Variants in PANK4 observed in about 807,000 individuals in gnomAD.
PANK4 encodes pantothenate kinase 4 (inactive).
Under a neutral mutation model 87.9 loss-of-function variants are expected in PANK4, and 40 were observed. That is an observed-to-expected ratio of 0.46 (90% confidence interval 0.35 to 0.59). The LOEUF is 0.59. Ranked by LOEUF, PANK4 falls within the 20% of genes least tolerant of loss-of-function variation. The pLI, the probability that PANK4 is intolerant of heterozygous loss-of-function variation, is 0.00. For synonymous variants in PANK4, 524 were observed against 467.4 expected (o/e 1.12, Z -1.56); for missense variants, 926 against 1,072.3 (o/e 0.86, Z 1.90).
chr1:2,518,139 G>C (rs367915873), intron 9 of PANK4, 25 bp downstream of exon 9: 7 of 1,487,386 alleles, frequency 4.7e-6, no homozygotes, highest in Non-Finnish European at 6.4e-6. Context: ...CCTGGGGCCC[G>C]GGGCGGCCAG....
chr1:2,520,384 C>A lies in PANK4; in HGVS notation c.637G>T (p.Gly213Cys), dbSNP rs750721468. 1 of 1,612,922 alleles carries A rather than the reference C, an allele frequency of 6.2e-7. No homozygotes were observed. ...VETEDRFEWVGGSSIGGGTFW... is the reference protein window; with the variant it reads ...VETEDRFEWVCGSSIGGGTFW... ...GTGCCGCCTCCAATGGAGCTGCCGC[C>A]GACCCACTCGAACCTGTCCTCCGTC... is the stretch of plus-strand genomic sequence containing the variant. The change falls in exon 5 of 19, where the codon GGC becomes TGC. Residue 213 changes from glycine (G) to cysteine (C), a missense_variant. Transcript: ENST00000378466. This position sits in a 1 kb window ranked among gnomAD's most constrained non-coding sequence, Gnocchi z 6.2.
intron 13 of PANK4, chr1:2,512,355 G>A (rs1289233077): frequency 1.9e-5 from 3 of 154,240 alleles, no homozygotes; most frequent in African/African-American, 7.2e-5. Flanking sequence ...GGGACCACGA[G>A]AGGTGGTGCG....
chr1:2,519,420 AGGGGAGGGGGAGAGAGAG>A lies in PANK4; in HGVS notation c.854-114_854-97del. ...GGAGGGGGAGAGAGAGCTGAGTGGG[AGGGGAGGGGGAGAGAGAG>A]CTGAGTGGGAGGGGAGGGGGAGAGA... On this transcript the variant is annotated intron_variant, in intron 6 of 18. Transcript: ENST00000378466. This position sits in a 1 kb window ranked among gnomAD's most constrained non-coding sequence, Gnocchi z 8.3. 1 of 52,066 alleles carries A rather than the reference AGGGGAGGGGGAGAGAGAG, an allele frequency of 1.9e-5. No individual in the cohort carries two copies. The highest frequency in any genetic ancestry group is 3.2e-5 in the Non-Finnish European group (1 of 30,904). 3.2% of individuals were successfully genotyped at this position (52,066 alleles called of 1,614,324 possible).
rs1643646368 is a variant in PANK4 at position 2,510,698 on chromosome 1, G to A, written c.1918C>T (p.Leu640=). The change falls in exon 16 of 19, where the codon CTA becomes TTA. Residue 640 remains leucine, a synonymous_variant. Coordinates refer to ENST00000378466, the MANE Select transcript of PANK4 (RefSeq NM_018216.4). This position sits in a 1 kb window ranked among gnomAD's most constrained non-coding sequence, Gnocchi z 4.9. The stretch of plus-strand genomic sequence containing the variant: ...CTCACCTCTGTCCCTCTAAGGAGTA[G>A]CTCCCTGACAAAGGGGAAGACTCCC... The part of the protein sequence containing the change: ...ILGVFPFVRE[L]LLRGTEVILA... 6.3e-7 allele frequency: 1 copy of A among 1,599,730 alleles called. No homozygotes were observed. Among genetic ancestry groups the A allele is most frequent in the Non-Finnish European group, 8.6e-7 (1 of 1,167,832 alleles).
Position 2,515,536 on chromosome 1 carries a change from G to T in PANK4, c.1374+26C>A. 1 of 1,611,022 alleles carries T rather than the reference G, an allele frequency of 6.2e-7. No individual in the cohort carries two copies. Among genetic ancestry groups the T allele is most frequent in the South Asian group, 1.1e-5 (1 of 91,010 alleles). ...TTAACCCGGCTGCGGCCTTGGAATC[G>T]TCTAGACGGCACCCGGAGCCCTCAC... On this transcript the variant is annotated intron_variant, in intron 10 of 18. Coordinates refer to ENST00000378466, the MANE Select transcript of PANK4 (RefSeq NM_018216.4). The surrounding 1 kb of genome is among the most constrained non-coding windows in gnomAD (Gnocchi z 5.0).
rs917793004 is a variant in PANK4 at position 2,520,550 on chromosome 1, A to C, written c.607-136T>G. On this transcript the variant is annotated intron_variant, in intron 4 of 18. Coordinates refer to ENST00000378466, the MANE Select transcript of PANK4 (RefSeq NM_018216.4). The surrounding 1 kb of genome is among the most constrained non-coding windows in gnomAD (Gnocchi z 6.2). ...GCCAGTGGGAGGACTCTCATGGCCA[A>C]GCCTGGGGGCGCTGATGCCCCTCCC... The C allele has an allele frequency of 2.1e-5, 20 of 966,472 alleles. No homozygotes were observed. The highest frequency in any genetic ancestry group is 2.9e-5 in the Non-Finnish European group (19 of 655,114). 59.9% of individuals were successfully genotyped at this position (966,472 alleles called of 1,614,324 possible).
Position 2,519,304 on chromosome 1 carries a change from C to T in PANK4, c.874G>A (p.Ala292Thr). The change falls in exon 7 of 19, where the codon GCG (alanine) becomes ACG (threonine). Residue 292 changes from alanine (A) to threonine (T), a missense_variant. Ala to Thr is a moderately conservative substitution (Grantham distance 58). Coordinates refer to ENST00000378466, the MANE Select transcript of PANK4 (RefSeq NM_018216.4). The surrounding 1 kb of genome is among the most constrained non-coding windows in gnomAD (Gnocchi z 8.3). ...CTGATCATGTGCAGCAGGCTCTTCG[C>T]CATGTCTTCTTTGGAGAACTCTGAG... ...ADQEFSKEDM[A>T]KSLLHMISND... The T allele has an allele frequency of 6.2e-7, 1 of 1,609,190 alleles. No individual in the cohort carries two copies. The highest frequency in any genetic ancestry group is 8.5e-7 in the Non-Finnish European group (1 of 1,177,442).
rs1012668064 is a variant in PANK4, at chr1:2,522,050, C to T, written c.125-250G>A. The T allele has an allele frequency of 3.7e-5, 20 of 539,120 alleles. No homozygotes were observed. In the Middle Eastern group the frequency reaches 8.8e-4, roughly 24 times the overall value. The allele number at this position is 539,120 out of a possible 1,614,324, so 33.4% of individuals were successfully genotyped here. A position where few individuals can be genotyped will look rare whatever the true frequency, so the allele number is the denominator to read the frequency against. ...TGGCCAAACTGAGCTCAAGAGGTCCCGCTTCCCCTTGGCACCAAGTCCTGC... is the reference window on the plus strand; with the variant it reads ...TGGCCAAACTGAGCTCAAGAGGTCCTGCTTCCCCTTGGCACCAAGTCCTGC... On this transcript the variant is annotated intron_variant, in intron 1 of 18. Transcript: ENST00000378466.
intron 14 of PANK4, 76 bp from the exon 15 acceptor site, chr1:2,511,463 C>T (rs558896518): frequency 1.7e-5 from 21 of 1,241,542 alleles, no homozygotes; most frequent in South Asian, 4.8e-5. Flanking sequence ...TTCAGGTGTT[C>T]GTCTCTCCAG....
intron 12 of PANK4, among the ~76,000 whole-genome samples, chr1:2,513,382 G>A (rs1201667521): frequency 7.2e-5 from 11 of 152,254 alleles, no homozygotes; most frequent in Admixed American, 7.2e-4. Flanking sequence ...CGGCGTGTGA[G>A]GGGAGGGAGG....
In PANK4 at chr1:2,520,902, C is replaced by T. The variant is rs768096130; in HGVS notation, c.427G>A (p.Asp143Asn). ...LIEEKLRLKV[D>N]KEDVMTCLIK... ...AGGCACGTCATCACGTCCTCCTTGTCGACTCTGAAAAGGAAGCGCCAACCC... is the reference window on the plus strand; with the variant it reads ...AGGCACGTCATCACGTCCTCCTTGTTGACTCTGAAAAGGAAGCGCCAACCC... Residue 143 changes from aspartate (D) to asparagine (N), a missense_variant, in exon 4 of 19, where the codon GAC (aspartate) becomes AAC (asparagine). By Grantham distance (23) the Asp-to-Asn change is conservative. Transcript: ENST00000378466. This position sits in a 1 kb window ranked among gnomAD's most constrained non-coding sequence, Gnocchi z 6.2. 3.2e-6 allele frequency: 5 copies of T among 1,546,946 alleles called. No individual in the cohort carries two copies. The highest frequency in any genetic ancestry group is 1.8e-4 in the Middle Eastern group (1 of 5,596).
At chr1:2,513,319 C>T (rs1055940841) in intron 12 of PANK4, among the ~76,000 whole-genome samples, 15 of 152,264 alleles carry the variant, frequency 9.9e-5, no homozygotes, top group Non-Finnish European at 5.9e-5. Context: ...CACAGGTACC[C>T]ACAGCCCTGG....
At position 2,508,606 on chromosome 1, in the gene PANK4, CTCTA is replaced by C. The variant is rs2100766201; in HGVS notation, c.*237_*240del. ...CCGTCAGACATACCTGTATAGATCT[CTCTA>C]TTTATATATATATATATATAAAAGG... is the stretch of plus-strand genomic sequence containing the variant. On this transcript the variant is annotated 3_prime_UTR_variant, in exon 19 of 19. Coordinates refer to ENST00000378466, the MANE Select transcript of PANK4 (RefSeq NM_018216.4). The surrounding 1 kb of genome is among the most constrained non-coding windows in gnomAD (Gnocchi z 5.1). 4.5e-6 allele frequency: 1 copy of C among 224,022 alleles called. No individual in the cohort carries two copies. Among genetic ancestry groups the C allele is most frequent in the Non-Finnish European group, 7.8e-6 (1 of 128,612 alleles). 13.9% of individuals were successfully genotyped at this position (224,022 alleles called of 1,614,324 possible). A position where few individuals can be genotyped will look rare whatever the true frequency, so the allele number is the denominator to read the frequency against.
In PANK4 at chr1:2,521,903, T is replaced by C. The variant is rs1407789620; in HGVS notation, c.125-103A>G. On this transcript the variant is annotated intron_variant, in intron 1 of 18. Transcript: ENST00000378466. ...TGGGTGTCCTGGAGACTAAAGTCTC[T>C]GTAGATGAGGGGTTTGGGGCTACTG... 6 of 877,120 alleles carry C rather than the reference T, an allele frequency of 6.8e-6. No homozygotes were observed. The East Asian group carries it at 7.3e-5, about 11-fold the overall frequency. The allele number at this position is 877,120 out of a possible 1,614,324, so 54.3% of individuals were successfully genotyped here.
chr1:2,513,080 G>A, intron 12 of PANK4, 41 bp from the exon 13 acceptor site: 1 of 1,552,560 alleles, frequency 6.4e-7, no homozygotes, highest in South Asian at 1.2e-5. Context: ...TGAAGACGTG[G>A]CCTCAGCCCA....
chr1:2,515,935 G>A lies in PANK4; in HGVS notation c.1219-218C>T, dbSNP rs757469584. ...CCCCCTGGTTTGACACTGGGGTTGC[G>A]TCTGCTCCCACCACACGCCTCCTGC... is the stretch of plus-strand genomic sequence containing the variant. On this transcript the variant is annotated intron_variant, in intron 9 of 18. Coordinates refer to ENST00000378466, the MANE Select transcript of PANK4 (RefSeq NM_018216.4). The surrounding 1 kb of genome is among the most constrained non-coding windows in gnomAD (Gnocchi z 5.0). 20 of 594,592 alleles carry A rather than the reference G, an allele frequency of 3.4e-5. No homozygotes were observed. The highest frequency in any genetic ancestry group is 4.5e-5 in the Non-Finnish European group (15 of 334,204). 36.8% of individuals were successfully genotyped at this position (594,592 alleles called of 1,614,324 possible). A position where few individuals can be genotyped will look rare whatever the true frequency, so the allele number is the denominator to read the frequency against.
chr1:2,521,477 G>C, intron 2 of PANK4, 162 bp from the exon 3 acceptor site: 3 of 715,898 alleles, frequency 4.2e-6, no homozygotes, highest in Non-Finnish European at 7.3e-6. Flanking sequence ...GGACCGTGGC[G>C]ACCTCAGGGC....
intron 8 of PANK4, 92 bp from the exon 9 acceptor site, chr1:2,518,356 T>G (rs1330769582): frequency 1.1e-5 from 11 of 1,028,304 alleles, no homozygotes; most frequent in Non-Finnish European, 1.6e-5. Context: ...AATCGCTTAT[T>G]AACTAAATTG....
At chr1:2,521,846 G>A (rs1643878238) in intron 1 of PANK4, 46 bp from the exon 2 acceptor site, 1 of 1,463,098 alleles carries the variant, frequency 6.8e-7, no homozygotes, top group Non-Finnish European at 9.6e-7. Context: ...CCAGGACACA[G>A]CGGGGCCTGG....
Sources: allele counts gnomAD v4.1 joint callset (sites outside exome capture counted in the v4.1 genomes callset), GRCh38; gene constraint gnomAD v4.1.1; non-coding constraint Gnocchi (gnomAD v3.1); transcripts MANE v1.5; gene names NCBI Gene and HGNC (gene_info 2026-07-23, HGNC 2026-07-21).